ARHGEF10L: variants seen among roughly 807,000 people sequenced by gnomAD.
ARHGEF10L encodes the protein rho guanine nucleotide exchange factor 10-like protein.
ARHGEF10L carries 69 observed loss-of-function variants against 141.2 expected under a neutral mutation model. That is an observed-to-expected ratio of 0.49 (90% CI 0.40 to 0.60). The LOEUF is 0.60. Among genes scored for constraint, ARHGEF10L ranks in the 20% least tolerant of loss-of-function variants. The pLI is 0.00. For synonymous variants in ARHGEF10L, 711 were observed against 718.5 expected (o/e 0.99, Z 0.17); for missense variants, 1,482 against 1,734.3 (o/e 0.85, Z 2.58).
At chr1:17,570,392 G>A (rs529187489) in intron 1 of ARHGEF10L, among the ~76,000 whole-genome samples, 1 of 152,216 alleles carries the variant, frequency 6.6e-6, no homozygotes, top group African/African-American at 2.4e-5. Context: ...GCAGCAGTGT[G>A]TGGGTATCTG....
At chr1:17,556,281 G>A (rs1341380815) in intron 1 of ARHGEF10L, among the ~76,000 whole-genome samples, 5 of 102,398 alleles carry the variant, frequency 4.9e-5, no homozygotes, top group Non-Finnish European at 8.3e-5. Flanking sequence ...GCGGGGGGGG[G>A]GCCTGGGAGC....
At chr1:17,672,694 G>A (rs951109477) in intron 26 of ARHGEF10L, among the ~76,000 whole-genome samples, 6 of 152,140 alleles carry the variant, frequency 3.9e-5, no homozygotes, top group African/African-American at 1.4e-4. Context: ...AGGAGGCTCC[G>A]ACAAGAACAA....
chr1:17,591,134 CAG>C (rs1397572874), intron 4 of ARHGEF10L, among the ~76,000 whole-genome samples: 2 of 152,226 alleles, frequency 1.3e-5, no homozygotes, highest in Non-Finnish European at 2.9e-5. Context: ...AAGGGAAGCG[CAG>C]AGTGGTTGTG....
intron 2 of ARHGEF10L, among the ~76,000 whole-genome samples, chr1:17,582,574 T>C (rs2078668134): frequency 6.6e-6 from 1 of 152,212 alleles, no homozygotes; most frequent in Admixed American, 6.5e-5. Flanking sequence ...GCACTTGGTG[T>C]TTGTTCTCTG....
At chr1:17,669,604 C>G (rs2063192730) in intron 26 of ARHGEF10L, among the ~76,000 whole-genome samples, 1 of 152,226 alleles carries the variant, frequency 6.6e-6, no homozygotes, top group Admixed American at 6.5e-5. Context: ...GCAGAAGTCT[C>G]AGTTTCCTTG....
At chr1:17,682,070 G>A (rs943928312) in intron 26 of ARHGEF10L, among the ~76,000 whole-genome samples, 5 of 151,944 alleles carry the variant, frequency 3.3e-5, no homozygotes, top group African/African-American at 4.8e-5. Context: ...TTTGGCCAGC[G>A]GGGACCCCTT....
rs908512367 is a variant in ARHGEF10L, at chr1:17,573,476, G to T, written c.-43-7077G>T. 2.0e-5 allele frequency among the ~76,000 whole-genome samples: 3 copies of T among 152,212 alleles called. No individual in the cohort carries two copies. Among genetic ancestry groups the T allele is most frequent in the African/African-American group, 7.2e-5 (3 of 41,452 alleles). On this transcript the variant is annotated intron_variant, in intron 1 of 28. Transcript: ENST00000361221. This position sits in a 1 kb window ranked among gnomAD's most constrained non-coding sequence, Gnocchi z 4.8. ...TCTGGAGAAGAGGGGGGTCAGTTCA[G>T]CTGATGGCAGGTGGCTTCCTCCGGC...
intron 1 of ARHGEF10L, among the ~76,000 whole-genome samples, chr1:17,551,815 C>T (rs537634395): frequency 4.6e-5 from 7 of 152,286 alleles, no homozygotes; most frequent in Admixed American, 3.9e-4. Context: ...GTCATCCAGG[C>T]TGGGACTGGT....
chr1:17,522,663 C>T, the ARHGEF10L span, among the ~76,000 whole-genome samples: 1 of 152,230 alleles, frequency 6.6e-6, no homozygotes, highest in Admixed American at 6.5e-5. Context: ...GGGGGCTACC[C>T]CTCTCTTCTG....
chr1:17,609,574 T>C (rs2059436964), intron 7 of ARHGEF10L, among the ~76,000 whole-genome samples: 1 of 152,190 alleles, frequency 6.6e-6, no homozygotes, highest in Non-Finnish European at 1.5e-5. Context: ...CTGGTCATCA[T>C]GATCAGTGTG....
At chr1:17,635,931 A>G (rs986782002) in intron 18 of ARHGEF10L, among the ~76,000 whole-genome samples, 6 of 152,048 alleles carry the variant, frequency 3.9e-5, no homozygotes, top group Non-Finnish European at 8.8e-5. Context: ...CTCATGGGCC[A>G]CCCACAATTC....
intron 4 of ARHGEF10L, among the ~76,000 whole-genome samples, chr1:17,597,829 C>T (rs969293654): frequency 6.6e-5 from 10 of 152,214 alleles, no homozygotes; most frequent in African/African-American, 2.4e-4. Flanking sequence ...GAGGAGGAGC[C>T]TCCCCCTGCC....
intron 1 of ARHGEF10L, among the ~76,000 whole-genome samples, chr1:17,540,663 G>A (rs1406243754): frequency 6.6e-6 from 1 of 152,152 alleles, no homozygotes; most frequent in Non-Finnish European, 1.5e-5. Flanking sequence ...CCTGGGGCGG[G>A]GGTCTCGAAT....
At chr1:17,580,496 TA>T in intron 1 of ARHGEF10L, 56 bp from the exon 2 acceptor site, 1 of 1,490,350 alleles carries the variant, frequency 6.7e-7, no homozygotes, top group Non-Finnish European at 9.3e-7. Context: ...CTTGTCTCAG[TA>T]GCTGAAACTG....
chr1:17,569,582 A>ATTGGGCCTGAAGAAAGAGC (rs1277601746), intron 1 of ARHGEF10L, among the ~76,000 whole-genome samples: 8 of 152,140 alleles, frequency 5.3e-5, no homozygotes, highest in Admixed American at 6.5e-5. Flanking sequence ...CCAGACAGAG[A>ATTGGGCCTGAAGAAAGAGC]TTGGGCCTGA....
intron 1 of ARHGEF10L, among the ~76,000 whole-genome samples, chr1:17,563,431 C>A (rs2077625276): frequency 6.6e-6 from 1 of 152,006 alleles, no homozygotes; most frequent in African/African-American, 2.4e-5. Flanking sequence ...CATGGGGTTT[C>A]CCCATGTTGC....
intron 28 of ARHGEF10L, among the ~76,000 whole-genome samples, chr1:17,695,962 C>T (rs1050222721): frequency 5.3e-5 from 8 of 151,878 alleles, no homozygotes; most frequent in Non-Finnish European, 1.0e-4. Context: ...TTTGGGAGGC[C>T]GAGGTGGGTG....
In ARHGEF10L at chr1:17,621,946, G is replaced by A; in HGVS notation, c.1020+5G>A. ...TCTCTGAAGCGGATACTCCAGGTGC[G>A]ACTTCAGGGAGTTCTCAAGGGTCTC... On this transcript the variant is annotated splice_donor_5th_base_variant and intron_variant, in intron 11 of 28. Transcript: ENST00000361221. This position sits in a 1 kb window ranked among gnomAD's most constrained non-coding sequence, Gnocchi z 4.1. 1 of 1,614,112 alleles carries A rather than the reference G, an allele frequency of 6.2e-7. No individual in the cohort carries two copies. The highest frequency in any genetic ancestry group is 8.5e-7 in the Non-Finnish European group (1 of 1,179,966).
At chr1:17,651,094 G>A (rs750014640) in intron 22 of ARHGEF10L, among the ~76,000 whole-genome samples, 47 of 152,200 alleles carry the variant, frequency 3.1e-4, no homozygotes, top group Non-Finnish European at 5.7e-4. Flanking sequence ...ACTATTCAGT[G>A]TGGATTTTTT....
Sources: allele counts gnomAD v4.1 joint callset (sites outside exome capture counted in the v4.1 genomes callset), GRCh38; gene constraint gnomAD v4.1.1; non-coding constraint Gnocchi (gnomAD v3.1); transcripts MANE v1.5; gene names NCBI Gene and HGNC (gene_info 2026-07-23, HGNC 2026-07-21).